Variants in MAML3 observed in about 807,000 individuals in gnomAD.
The protein encoded by MAML3 is mastermind-like protein 3.
In MAML3, 27 loss-of-function variants were observed where a neutral mutation model predicts 101.9. That is an observed-to-expected ratio of 0.27 (90% CI 0.20 to 0.37). MAML3 has a LOEUF of 0.37. MAML3 is among the 10% of genes least tolerant of loss of function. The pLI is 1.00. For synonymous variants in MAML3, 501 were observed against 555.9 expected (o/e 0.90, Z 1.39); for missense variants, 1,316 against 1,444.9 (o/e 0.91, Z 1.45).
At chr4:139,920,638 C>T (rs1027005754) in intron 1 of MAML3, among the ~76,000 whole-genome samples, 5 of 152,220 alleles carry the variant, frequency 3.3e-5, no homozygotes, top group African/African-American at 1.2e-4. Flanking sequence ...CCATCAACCA[C>T]CTTTCATTAA....
chr4:140,034,875 T>C (rs1402878269), intron 1 of MAML3, among the ~76,000 whole-genome samples: 2 of 152,200 alleles, frequency 1.3e-5, no homozygotes, highest in East Asian at 1.9e-4. Context: ...AGGTTATACA[T>C]GGGTAGAGGC....
intron 1 of MAML3, among the ~76,000 whole-genome samples, chr4:140,141,907 T>C (rs1158163879): frequency 1.3e-5 from 2 of 152,246 alleles, no homozygotes; most frequent in Admixed American, 6.5e-5. Flanking sequence ...TTTCTCTTTA[T>C]ACATATTATA....
At chr4:139,810,815 T>G (rs572124369) in intron 2 of MAML3, among the ~76,000 whole-genome samples, 1 of 152,214 alleles carries the variant, frequency 6.6e-6, no homozygotes, top group Non-Finnish European at 1.5e-5. Context: ...TTCTCTTCAG[T>G]AGAATCCTGA....
chr4:139,905,450 C>A (rs1413690489), intron 1 of MAML3, among the ~76,000 whole-genome samples: 1 of 137,538 alleles, frequency 7.3e-6, no homozygotes. Context: ...CGAGATCATG[C>A]CATTGCACTC....
intron 2 of MAML3, among the ~76,000 whole-genome samples, chr4:139,800,425 C>A (rs1027209075): frequency 1.3e-5 from 2 of 152,138 alleles, no homozygotes; most frequent in African/African-American, 4.8e-5. Context: ...GTCTCAAATA[C>A]CTGTGCACTT....
At chr4:139,966,214 G>T (rs1734127694) in intron 1 of MAML3, among the ~76,000 whole-genome samples, 1 of 152,110 alleles carries the variant, frequency 6.6e-6, no homozygotes, top group Admixed American at 6.5e-5. Flanking sequence ...CATACCATTT[G>T]AAATATGTAT....
chr4:139,878,144 A>C (rs546708385), intron 2 of MAML3, among the ~76,000 whole-genome samples: 1 of 152,204 alleles, frequency 6.6e-6, no homozygotes, highest in South Asian at 2.1e-4. Flanking sequence ...GCCTGGCTAT[A>C]ATCTAAGTTG....
Position 139,785,322 on chromosome 4 carries a change from C to A in MAML3, c.2080-54655G>T, listed in dbSNP as rs777756480. ...GCTTAAAATATTAATAATCAGAGTT[C>A]ACTTTCATAGGGCTCTGGGCAGAAA... On this transcript the variant is annotated intron_variant, in intron 2 of 4. Coordinates refer to ENST00000509479, the MANE Select transcript of MAML3 (RefSeq NM_018717.5). The surrounding 1 kb of genome is among the most constrained non-coding windows in gnomAD (Gnocchi z 4.3). 6.6e-6 allele frequency among the ~76,000 whole-genome samples: 1 copy of A among 152,168 alleles called. No homozygotes were observed. Among genetic ancestry groups the A allele is most frequent in the African/African-American group, 2.4e-5 (1 of 41,422 alleles).
chr4:139,945,884 G>T (rs906639980), intron 1 of MAML3, among the ~76,000 whole-genome samples: 2 of 152,200 alleles, frequency 1.3e-5, no homozygotes, highest in Non-Finnish European at 2.9e-5. Flanking sequence ...AACAAAAAAA[G>T]GTGGAAGGTG....
intron 1 of MAML3, among the ~76,000 whole-genome samples, chr4:140,019,589 G>A (rs1055060536): frequency 3.3e-5 from 5 of 152,148 alleles, no homozygotes; most frequent in Admixed American, 6.5e-5. Flanking sequence ...AACAACATAA[G>A]GCAGCTCTCT....
chr4:140,134,361 C>A (rs1281727568), intron 1 of MAML3: 1 of 456,704 alleles, frequency 2.2e-6, no homozygotes, highest in South Asian at 1.5e-5. Context: ...AACAGAACCC[C>A]AATCATTTCT....
chr4:140,148,529 T>A (rs775323824), intron 1 of MAML3, among the ~76,000 whole-genome samples: 4 of 152,216 alleles, frequency 2.6e-5, no homozygotes, highest in African/African-American at 4.8e-5. Flanking sequence ...CGAAAGACAG[T>A]CTGTCCTGTT....
chr4:139,772,908 T>C (rs1351052764), intron 2 of MAML3, among the ~76,000 whole-genome samples: 1 of 138,702 alleles, frequency 7.2e-6, no homozygotes, highest in East Asian at 2.0e-4. Flanking sequence ...TGAAACCCCA[T>C]CTCTACTTAA....
rs971766338 is a variant in MAML3 at position 140,014,302 on chromosome 4, C to A, written c.469-123335G>T. Among the ~76,000 whole-genome samples, 18 of 151,944 alleles carry A rather than the reference C, an allele frequency of 1.2e-4. 1 individual carries two copies. Among genetic ancestry groups the A allele is most frequent in the African/African-American group, 4.1e-4 (17 of 41,350 alleles). ...AAAATGACAAAGCACGATAAATGAT[C>A]AAAAAATATAGATGTCCAAAAGCCG... On this transcript the variant is annotated intron_variant, in intron 1 of 4. Coordinates refer to ENST00000509479, the MANE Select transcript of MAML3 (RefSeq NM_018717.5).
intron 2 of MAML3, among the ~76,000 whole-genome samples, chr4:139,832,094 C>CCTTTTTTTTTTTTTTTTT (rs1234455929): frequency 3.1e-5 from 2 of 64,680 alleles, no homozygotes; most frequent in Non-Finnish European, 6.7e-5. Context: ...TGCCCAGCCC[C>CCTTTTTTTTTTTTTTTTT]TTTTTTTTTT....
In MAML3 at chr4:140,002,856, C is replaced by T. The variant is rs143818976; in HGVS notation, c.469-111889G>A. Among the ~76,000 whole-genome samples the T allele has an allele frequency of 6.1e-3, 924 of 152,324 alleles. 7 individuals carry two copies. The highest frequency in any genetic ancestry group is 1.0e-2 in the Non-Finnish European group (677 of 68,038). On this transcript the variant is annotated intron_variant, in intron 1 of 4. Transcript: ENST00000509479. ...AATTCATTGTCCACTTACACAGTGA[C>T]CCTTGTACTGCAGAATTCCCAAGGG...
chr4:140,146,125 G>A (rs1411296165), intron 1 of MAML3, among the ~76,000 whole-genome samples: 2 of 151,914 alleles, frequency 1.3e-5, no homozygotes, highest in African/African-American at 2.4e-5. Context: ...TACCGGTCTC[G>A]GCCTCCCATA....
chr4:139,890,190 G>A lies in MAML3; in HGVS notation c.1246C>T (p.Gln416Ter). ...PASSPANCAV[Q>*]SPQTPNQAHT... is the part of the protein sequence containing the mutation. ...GCTTGGTTTGGAGTTTGAGGGGACT[G>A]GACAGCACAGTTTGCTGGTGAGCTT... The change falls in exon 2 of 5, where the codon CAG (glutamine) becomes TAG (stop). Residue 416 changes from glutamine to a stop codon, truncating the protein, a stop_gained. Transcript: ENST00000509479. LOFTEE classifies it high-confidence loss of function. The surrounding 1 kb of genome is among the most constrained non-coding windows in gnomAD (Gnocchi z 4.1). 6.2e-7 allele frequency: 1 copy of A among 1,613,396 alleles called. No homozygotes were observed. The highest frequency in any genetic ancestry group is 8.5e-7 in the Non-Finnish European group (1 of 1,179,888).
At position 139,960,971 on chromosome 4, in the gene MAML3, CAA is replaced by C. The variant is rs577149350; in HGVS notation, c.469-70006_469-70005del. On this transcript the variant is annotated intron_variant, in intron 1 of 4. Transcript: ENST00000509479. ...AGGAGCCACAGGTGTCAGTCAGCCT[CAA>C]GTCAAGACCCAGGAGATAGCTCTGT... Among the ~76,000 whole-genome samples, 320 of 152,350 alleles carry C rather than the reference CAA, an allele frequency of 2.1e-3. 3 individuals are homozygous for C. The highest frequency in any genetic ancestry group is 7.2e-3 in the African/African-American group (301 of 41,574).
Sources: allele counts gnomAD v4.1 joint callset (sites outside exome capture counted in the v4.1 genomes callset), GRCh38; gene constraint gnomAD v4.1.1; non-coding constraint Gnocchi (gnomAD v3.1); transcripts MANE v1.5; gene names NCBI Gene and HGNC (gene_info 2026-07-23, HGNC 2026-07-21).